PTPN4: variants seen among roughly 807,000 people sequenced by gnomAD.
PTPN4 encodes the protein tyrosine-protein phosphatase non-receptor type 4.
In PTPN4, 49 loss-of-function variants were observed where a neutral mutation model predicts 135.5. The observed-to-expected ratio is 0.36, with a 90% confidence interval of 0.29 to 0.46. The LOEUF (loss-of-function observed/expected upper bound fraction) is 0.46. Among genes scored for constraint, PTPN4 ranks in the 20% least tolerant of loss-of-function variants. The probability of loss-of-function intolerance (pLI) is 1.00; values close to 1 mark genes in which losing one functional copy is unlikely to be tolerated. For synonymous variants in PTPN4, 333 were observed against 369.9 expected, an observed-to-expected ratio of 0.90 and a Z score of 1.14; for missense variants, 860 against 1,101.0, an observed-to-expected ratio of 0.78 and a Z score of 3.10.
chr2:119,808,520 T>C (rs1691522832), intron 1 of PTPN4, among the ~76,000 whole-genome samples: 1 of 152,168 alleles, frequency 6.6e-6, no homozygotes, highest in South Asian at 2.1e-4. Flanking sequence ...TTACAAGGGA[T>C]GTGAAGGACC....
At chr2:119,910,002 A>G (rs1193344602) in intron 10 of PTPN4, among the ~76,000 whole-genome samples, 3 of 152,286 alleles carry the variant, frequency 2.0e-5, no homozygotes, top group African/African-American at 2.4e-5. Flanking sequence ...GGAATCTACT[A>G]TTGGTGAAGA....
intron 1 of PTPN4, among the ~76,000 whole-genome samples, chr2:119,804,796 G>C (rs986170008): frequency 6.6e-6 from 1 of 152,204 alleles, no homozygotes; most frequent in African/African-American, 2.4e-5. Context: ...CATATACCCA[G>C]TAATGGGATC....
intron 11 of PTPN4, among the ~76,000 whole-genome samples, chr2:119,919,527 T>C (rs1574404407): frequency 6.6e-6 from 1 of 152,164 alleles, no homozygotes; most frequent in East Asian, 1.9e-4. Flanking sequence ...CTAAGAGTTA[T>C]AATATGAATG....
In PTPN4 at chr2:119,841,341, A is replaced by C. The variant is rs544684309; in HGVS notation, c.139-21195A>C. ...TGCAAGCATACATACACATACATGT[A>C]TGTGTCTATGTGTGTGTATGTGTTT... On this transcript the variant is annotated intron_variant, in intron 2 of 26. Coordinates refer to ENST00000263708, the MANE Select transcript of PTPN4 (RefSeq NM_002830.4). 4.6e-5 allele frequency among the ~76,000 whole-genome samples: 7 copies of C among 152,138 alleles called. No individual in the cohort carries two copies. In the South Asian group the frequency reaches 1.4e-3, roughly 31 times the overall value.
intron 1 of PTPN4, among the ~76,000 whole-genome samples, chr2:119,807,525 G>A: frequency 6.6e-6 from 1 of 152,136 alleles, no homozygotes; most frequent in African/African-American, 2.4e-5. Flanking sequence ...ACTAAACCAG[G>A]AAGAAGTTGA....
intron 9 of PTPN4, among the ~76,000 whole-genome samples, chr2:119,891,558 C>G (rs1678241723): frequency 6.6e-6 from 1 of 152,146 alleles, no homozygotes; most frequent in African/African-American, 2.4e-5. Context: ...CTCCTGACCT[C>G]AGGTGATCCA....
intron 20 of PTPN4, among the ~76,000 whole-genome samples, chr2:119,956,584 G>A (rs889763712): frequency 6.6e-6 from 1 of 152,092 alleles, no homozygotes; most frequent in African/African-American, 2.4e-5. Context: ...ACAACTTCAG[G>A]TGCTCCTGCT....
chr2:119,889,081 A>G (rs923874720), intron 9 of PTPN4, among the ~76,000 whole-genome samples: 2 of 151,934 alleles, frequency 1.3e-5, no homozygotes, highest in Non-Finnish European at 2.9e-5. Flanking sequence ...CCAGGAATTC[A>G]TTTCCTCTAG....
At position 119,984,723 on chromosome 2, in the gene PTPN4, C is replaced by T. The variant is rs556267397; in HGVS notation, c.*7653C>T. ...CAAACAAGATAAAAATGCTGGTTTG[C>T]ATTAATACTGTTTTAGTCTTAAGAG... On this transcript the variant is annotated 3_prime_UTR_variant, in exon 27 of 27. Transcript: ENST00000263708. Among the ~76,000 whole-genome samples, 12 of 152,214 alleles carry T rather than the reference C, an allele frequency of 7.9e-5. No individual in the cohort carries two copies. The East Asian group carries it at 1.5e-3, about 20-fold the overall frequency.
chr2:119,883,385 A>G (rs1678108103), intron 8 of PTPN4, among the ~76,000 whole-genome samples: 2 of 152,198 alleles, frequency 1.3e-5, no homozygotes, highest in South Asian at 4.1e-4. Context: ...GATCCCAAGC[A>G]TTTCAGATAA....
chr2:119,833,469 C>A (rs1191135538), intron 2 of PTPN4, among the ~76,000 whole-genome samples: 1 of 151,950 alleles, frequency 6.6e-6, no homozygotes, highest in Non-Finnish European at 1.5e-5. Context: ...TACTTTTAAT[C>A]ATTTAAGTTT....
At chr2:119,943,426 C>T (rs555964563) in intron 15 of PTPN4, among the ~76,000 whole-genome samples, 11 of 152,060 alleles carry the variant, frequency 7.2e-5, no homozygotes, top group African/African-American at 2.7e-4. Flanking sequence ...TTCTTTCTTA[C>T]ATTGTATGTA....
At chr2:119,864,587 CTG>C (rs1298574758) in intron 3 of PTPN4, among the ~76,000 whole-genome samples, 1 of 152,022 alleles carries the variant, frequency 6.6e-6, no homozygotes, top group Admixed American at 6.6e-5. Flanking sequence ...TGACTCACCA[CTG>C]TAGTCACTAC....
intron 2 of PTPN4, among the ~76,000 whole-genome samples, chr2:119,812,740 T>C (rs987945327): frequency 6.6e-6 from 1 of 152,218 alleles, no homozygotes; most frequent in African/African-American, 2.4e-5. Flanking sequence ...ATTCATGATA[T>C]GAGAATTCAT....
intron 1 of PTPN4, among the ~76,000 whole-genome samples, chr2:119,761,195 T>C (rs1413474597): frequency 6.6e-6 from 1 of 152,326 alleles, no homozygotes; most frequent in East Asian, 1.9e-4. Context: ...GTACAGCTGA[T>C]TGGTCACATT....
chr2:119,862,632 A>G lies in PTPN4; in HGVS notation c.235A>G (p.Thr79Ala), dbSNP rs773010444. Residue 79 changes from threonine (T) to alanine (A), a missense_variant, in exon 3 of 27, where the codon ACA (threonine) becomes GCA (alanine). Physicochemically the swap from Thr to Ala is moderately conservative, Grantham distance 58. Transcript: ENST00000263708. ...TGGTTTACAGTTGGCTGATGATTCCACAGATAACCCAGTAAGTGTAAGATT... is the reference window on the plus strand; with the variant it reads ...TGGTTTACAGTTGGCTGATGATTCCGCAGATAACCCAGTAAGTGTAAGATT... ...YFGLQLADDS[T>A]DNPRWLDPNK... 11 of 1,607,958 alleles carry G rather than the reference A, an allele frequency of 6.8e-6. No individual in the cohort carries two copies. In the African/African-American group the frequency reaches 1.3e-4, roughly 20 times the overall value.
At chr2:119,936,437 T>C (rs751150200) in intron 15 of PTPN4, among the ~76,000 whole-genome samples, 5 of 152,164 alleles carry the variant, frequency 3.3e-5, no homozygotes, top group African/African-American at 7.2e-5. Context: ...GGTAGTTGAA[T>C]CATGGGGGTC....
intron 26 of PTPN4, among the ~76,000 whole-genome samples, chr2:119,968,520 G>T (rs1167115238): frequency 6.6e-6 from 1 of 152,002 alleles, no homozygotes; most frequent in African/African-American, 2.4e-5. Context: ...GGGCGCGGTA[G>T]GTAGCTCACG....
At chr2:119,959,595 G>T (rs1679335601) in intron 22 of PTPN4, among the ~76,000 whole-genome samples, 2 of 152,352 alleles carry the variant, frequency 1.3e-5, no homozygotes, top group South Asian at 4.1e-4. Flanking sequence ...GGGGCAGTGA[G>T]TGGGAGGGTG....
Sources: gnomAD v4.1 joint callset for allele counts (sites outside exome capture counted in the v4.1 genomes callset) on GRCh38, gnomAD v4.1.1 for gene constraint, MANE v1.5 for transcripts, NCBI Gene and HGNC (gene_info 2026-07-23, HGNC 2026-07-21) for gene names.